The following PICALM variants were observed in gnomAD, a reference collection of about 807,000 sequenced individuals.
The protein encoded by PICALM is phosphatidylinositol-binding clathrin assembly protein.
Under a neutral mutation model 80.5 loss-of-function variants are expected in PICALM, and 40 were observed. That is an observed-to-expected ratio of 0.50 (90% CI 0.39 to 0.65). The LOEUF is 0.65. Ranked by LOEUF, PICALM falls within the 30% of genes least tolerant of loss-of-function variation. The pLI is 0.00. For synonymous variants in PICALM, 288 were observed against 260.3 expected (o/e 1.11, Z -1.02); for missense variants, 676 against 778.9 (o/e 0.87, Z 1.57).
intron 13 of PICALM, among the ~76,000 whole-genome samples, chr11:85,987,489 C>T (rs750533808): frequency 8.6e-5 from 13 of 151,616 alleles, no homozygotes; most frequent in African/African-American, 1.2e-4. Context: ...AATATTAGAC[C>T]AAAAAAAGTG....
chr11:86,049,560 T>C (rs1333573755), intron 1 of PICALM, among the ~76,000 whole-genome samples: 1 of 152,014 alleles, frequency 6.6e-6, no homozygotes, highest in East Asian at 2.0e-4. Context: ...CCTTTTTTTT[T>C]CCTTTTCCCT....
intron 13 of PICALM, among the ~76,000 whole-genome samples, chr11:85,988,040 TC>T (rs2094631705): frequency 1.3e-5 from 2 of 152,216 alleles, no homozygotes; most frequent in African/African-American, 4.8e-5. Flanking sequence ...CCTGTCCAAT[TC>T]TTGTAATCAA....
chr11:85,973,307 C>T (rs2094168795), intron 19 of PICALM, among the ~76,000 whole-genome samples: 1 of 152,142 alleles, frequency 6.6e-6, no homozygotes, highest in African/African-American at 2.4e-5. Context: ...ATTGCCTAGG[C>T]TTCACTAGTC....
intron 1 of PICALM, among the ~76,000 whole-genome samples, chr11:86,061,330 C>CAAAAA (rs58836221): frequency 0.012 from 936 of 80,804 alleles, no homozygotes; most frequent in Non-Finnish European, 0.015. Context: ...GACTCCATCT[C>CAAAAA]AAAAAAAAAA....
chr11:85,976,121 C>T (rs1044729780), intron 18 of PICALM, among the ~76,000 whole-genome samples: 1 of 151,844 alleles, frequency 6.6e-6, no homozygotes, highest in African/African-American at 2.4e-5. Flanking sequence ...TCTCTATATA[C>T]TGAGAGTTGG....
rs189820401 is a variant in PICALM at position 86,038,539 on chromosome 11, T to G, written c.131-6928A>C. ...GGCTCACGCCTGGAATCCCAGCACT[T>G]TGGGAGACCGAGGCGGGTGGATCAT... On this transcript the variant is annotated intron_variant, in intron 1 of 19. Coordinates refer to ENST00000393346, the MANE Select transcript of PICALM (RefSeq NM_007166.4). Among the ~76,000 whole-genome samples the G allele has an allele frequency of 2.9e-3, 436 of 151,604 alleles. 1 individual carries two copies. Among genetic ancestry groups the G allele is most frequent in the Non-Finnish European group, 5.2e-3 (352 of 67,878 alleles).
chr11:85,969,715 C>A, intron 19 of PICALM: 1 of 389,996 alleles, frequency 2.6e-6, no homozygotes, highest in Non-Finnish European at 5.1e-6. Context: ...CAGACAGTCT[C>A]ACTATGTTGC....
intron 19 of PICALM, chr11:85,974,471 C>G (rs1426737938): frequency 3.2e-6 from 2 of 624,924 alleles, no homozygotes; most frequent in Non-Finnish European, 6.1e-6. Context: ...TTTGGATCTA[C>G]CAACTATAAG....
At chr11:86,020,116 T>C (rs1238910009) in intron 4 of PICALM, among the ~76,000 whole-genome samples, 2 of 152,218 alleles carry the variant, frequency 1.3e-5, no homozygotes, top group Non-Finnish European at 2.9e-5. Flanking sequence ...GACTGGATCA[T>C]GTACTAAGAT....
Position 85,967,137 on chromosome 11 carries a change from T to C in PICALM, c.1944+7571A>G, listed in dbSNP as rs561392834. ...ACTCTGCTATCCCAATTAATTTCAA[T>C]TCAGCTAGAATTTACGGCTATATTG... On this transcript the variant is annotated intron_variant, in intron 19 of 19. Transcript: ENST00000393346. Among the ~76,000 whole-genome samples, 60 of 152,322 alleles carry C rather than the reference T, an allele frequency of 3.9e-4. 2 individuals carry two copies. Among genetic ancestry groups the C allele is most frequent in the African/African-American group, 1.4e-3 (57 of 41,572 alleles).
At chr11:86,050,159 C>G (rs1290921096) in intron 1 of PICALM, among the ~76,000 whole-genome samples, 1 of 145,394 alleles carries the variant, frequency 6.9e-6, no homozygotes, top group African/African-American at 2.6e-5. Flanking sequence ...GAGCAGAGAT[C>G]GCGCCACTGC....
chr11:86,063,806 C>G (rs947389754), intron 1 of PICALM, among the ~76,000 whole-genome samples: 6 of 151,832 alleles, frequency 4.0e-5, no homozygotes, highest in Non-Finnish European at 7.4e-5. Flanking sequence ...ATGACTAATT[C>G]TTACAGGAAA....
intron 1 of PICALM, among the ~76,000 whole-genome samples, chr11:86,049,324 G>T (rs535730568): frequency 1.3e-5 from 2 of 152,110 alleles, no homozygotes; most frequent in Admixed American, 6.5e-5. Context: ...CTTTACTCCG[G>T]TTCCATACCA....
chr11:85,976,833 T>C (rs1162622090), intron 17 of PICALM, 151 bp from the exon 18 acceptor site: 1 of 537,664 alleles, frequency 1.9e-6, no homozygotes. Context: ...TGTCGATTAA[T>C]GGTCAGTGAA....
chr11:86,061,759 A>G (rs1258868457), intron 1 of PICALM, among the ~76,000 whole-genome samples: 1 of 152,224 alleles, frequency 6.6e-6, no homozygotes, highest in East Asian at 1.9e-4. Context: ...CTATTTACCC[A>G]AACGAACTGA....
chr11:86,032,607 C>G (rs892745176), intron 1 of PICALM, among the ~76,000 whole-genome samples: 5 of 152,100 alleles, frequency 3.3e-5, no homozygotes, highest in African/African-American at 1.2e-4. Context: ...GCCTGGGCAA[C>G]AGAGTGAGAC....
chr11:85,966,661 A>T (rs1484768828), intron 19 of PICALM, among the ~76,000 whole-genome samples: 1 of 152,162 alleles, frequency 6.6e-6, no homozygotes, highest in African/African-American at 2.4e-5. Context: ...TGGTGCCCAT[A>T]AATTTGACCC....
intron 11 of PICALM, among the ~76,000 whole-genome samples, chr11:86,000,231 G>C (rs1490589590): frequency 6.6e-6 from 1 of 152,162 alleles, no homozygotes. Flanking sequence ...AGATTACAGA[G>C]TTTAAAACCA....
intron 1 of PICALM, 29 bp downstream of exon 1, chr11:86,068,622 G>T: frequency 6.3e-7 from 1 of 1,595,510 alleles, no homozygotes. Context: ...GGGCGCCGGG[G>T]AGCGGGGGCC....
Sources: allele counts gnomAD v4.1 joint callset (sites outside exome capture counted in the v4.1 genomes callset), GRCh38; gene constraint gnomAD v4.1.1; transcripts MANE v1.5; gene names NCBI Gene and HGNC (gene_info 2026-07-23, HGNC 2026-07-21).